Variants in PIP5K1B observed in about 807,000 individuals in gnomAD.
PIP5K1B encodes the protein phosphatidylinositol 4-phosphate 5-kinase type-1 beta.
In PIP5K1B, 42 loss-of-function variants were observed where a neutral mutation model predicts 67.0. That is an observed-to-expected ratio of 0.63 (90% CI 0.49 to 0.81). The LOEUF is 0.81. PIP5K1B is among the 30% of genes least tolerant of loss of function. The probability of loss-of-function intolerance (pLI) is 0.00; values close to 1 mark genes in which losing one functional copy is unlikely to be tolerated. For synonymous variants in PIP5K1B, 214 were observed against 231.4 expected, an observed-to-expected ratio of 0.92 and a Z score of 0.68; for missense variants, 459 against 646.3, an observed-to-expected ratio of 0.71 and a Z score of 3.14.
chr9:68,748,913 G>A (rs1252851843), intron 2 of PIP5K1B, among the ~76,000 whole-genome samples: 1 of 151,998 alleles, frequency 6.6e-6, no homozygotes, highest in African/African-American at 2.4e-5. Flanking sequence ...CACTCGGCCA[G>A]GTTTCAGATC....
At chr9:68,782,512 A>G (rs991256147) in intron 2 of PIP5K1B, 24 of 167,108 alleles carry the variant, frequency 1.4e-4, no homozygotes, top group African/African-American at 5.8e-4. Context: ...GGGAAAAATG[A>G]CTCAGAACAA....
intron 2 of PIP5K1B, among the ~76,000 whole-genome samples, chr9:68,760,150 C>T (rs1223638620): frequency 1.3e-5 from 2 of 152,072 alleles, no homozygotes; most frequent in Non-Finnish European, 2.9e-5. Flanking sequence ...GCTACAAGCT[C>T]AGCTCTGTGG....
At chr9:68,896,291 C>T (rs1554731026) in intron 8 of PIP5K1B, among the ~76,000 whole-genome samples, 2 of 151,424 alleles carry the variant, frequency 1.3e-5, no homozygotes, top group Non-Finnish European at 2.9e-5. Flanking sequence ...TGCTTCTTGC[C>T]TCTTTAGTAT....
chr9:68,767,036 A>G (rs1234134082), intron 2 of PIP5K1B, among the ~76,000 whole-genome samples: 1 of 152,224 alleles, frequency 6.6e-6, no homozygotes, highest in Non-Finnish European at 1.5e-5. Flanking sequence ...TAGGGTAACT[A>G]TATAGTTTAT....
In PIP5K1B at chr9:68,940,779, C is replaced by G. The variant is rs756876508; in HGVS notation, c.1491C>G (p.Leu497=). 8.7e-6 allele frequency: 14 copies of G among 1,613,682 alleles called. No homozygotes were observed. In the South Asian group the frequency reaches 1.5e-4, roughly 18 times the overall value. ...NEHYPHDRPT[L]YSNSKGLPSS... is the part of the protein sequence containing the mutation. The stretch of plus-strand genomic sequence containing the variant: ...ACTATCCACACGACAGGCCTACACT[C>G]TATTCAAACAGGTAATACTTAGTGC... The change falls in exon 14 of 16, where the codon CTC becomes CTG. Residue 497 remains leucine, a synonymous_variant. Transcript: ENST00000265382.
intron 14 of PIP5K1B, chr9:68,964,237 C>T (rs933424988): frequency 6.6e-6 from 1 of 152,118 alleles, no homozygotes; most frequent in Admixed American, 6.5e-5. Context: ...CACGTGGTTC[C>T]ACCCTCACCC....
chr9:68,820,461 T>G (rs1833682531), intron 3 of PIP5K1B, among the ~76,000 whole-genome samples: 1 of 152,208 alleles, frequency 6.6e-6, no homozygotes. Context: ...TGGGCAGTAC[T>G]AGATCTAGTG....
intron 2 of PIP5K1B, among the ~76,000 whole-genome samples, chr9:68,777,661 A>G (rs536272073): frequency 1.3e-5 from 2 of 152,274 alleles, no homozygotes; most frequent in Admixed American, 1.3e-4. Context: ...CAAATAGCAT[A>G]TATGTTTTAT....
At position 68,789,348 on chromosome 9, in the gene PIP5K1B, C is replaced by T. The variant is rs188967974; in HGVS notation, c.-85-29113C>T. On this transcript the variant is annotated intron_variant, in intron 2 of 15. Coordinates refer to ENST00000265382, the MANE Select transcript of PIP5K1B (RefSeq NM_003558.4). ...GCGTCTCTTCTGATGCCGCATAAAT[C>T]ACAATCACATTGTCCTTCATCACTA... 5.1e-3 allele frequency: 1,887 copies of T among 372,992 alleles called. 32 individuals are homozygous for T. The highest frequency in any genetic ancestry group is 0.038 in the African/African-American group (1,748 of 46,500). 23.1% of individuals were successfully genotyped at this position (372,992 alleles called of 1,614,324 possible).
At chr9:68,706,171 G>C (rs1245648482) in intron 1 of PIP5K1B, 1 of 152,410 alleles carries the variant, frequency 6.6e-6, no homozygotes, top group African/African-American at 2.4e-5. Flanking sequence ...CTCAAGAGGG[G>C]CTTGCGAGTT....
intron 14 of PIP5K1B, among the ~76,000 whole-genome samples, chr9:68,988,566 C>T (rs1430543516): frequency 6.7e-6 from 1 of 150,236 alleles, no homozygotes; most frequent in Non-Finnish European, 1.5e-5. Flanking sequence ...TCTCCTGCCT[C>T]AGCCTCCTGA....
At chr9:68,852,120 T>C (rs1464082896) in intron 4 of PIP5K1B, among the ~76,000 whole-genome samples, 1 of 152,132 alleles carries the variant, frequency 6.6e-6, no homozygotes, top group African/African-American at 2.4e-5. Context: ...CATGCAGGGC[T>C]TAAAACCTAG....
At chr9:68,768,168 T>C (rs532460405) in intron 2 of PIP5K1B, among the ~76,000 whole-genome samples, 52 of 152,268 alleles carry the variant, frequency 3.4e-4, no homozygotes, top group Non-Finnish European at 6.8e-4. Context: ...ATTGCACAGC[T>C]AGAAAGAATC....
At chr9:68,997,041 A>C (rs1293384794) in intron 15 of PIP5K1B, among the ~76,000 whole-genome samples, 1 of 152,234 alleles carries the variant, frequency 6.6e-6, no homozygotes, top group Non-Finnish European at 1.5e-5. Flanking sequence ...TAGCCACGCC[A>C]GTATTGGAGA....
intron 12 of PIP5K1B, among the ~76,000 whole-genome samples, chr9:68,924,401 C>CGAAAAAAAAAAAAAAAA (rs1341716504): frequency 1.2e-5 from 1 of 86,768 alleles, no homozygotes; most frequent in Non-Finnish European, 2.2e-5. Flanking sequence ...CACTGCGCCT[C>CGAAAAAAAAAAAAAAAA]AAAAAAAAAA....
intron 2 of PIP5K1B, among the ~76,000 whole-genome samples, chr9:68,747,809 C>T (rs1448667194): frequency 3.3e-5 from 5 of 152,256 alleles, no homozygotes; most frequent in Non-Finnish European, 5.9e-5. Flanking sequence ...AGCCACTCCT[C>T]TAGAATTTGA....
At chr9:68,802,201 A>G (rs1453080733) in intron 2 of PIP5K1B, among the ~76,000 whole-genome samples, 3 of 152,368 alleles carry the variant, frequency 2.0e-5, no homozygotes, top group Non-Finnish European at 4.4e-5. Context: ...ATTGATAGCC[A>G]TCCTTAGTTT....
chr9:68,814,077 T>C (rs1039101983), intron 2 of PIP5K1B, among the ~76,000 whole-genome samples: 5 of 151,530 alleles, frequency 3.3e-5, no homozygotes, highest in Admixed American at 3.3e-4. Context: ...GGAGGAAGAG[T>C]GCCACCGTGC....
chr9:68,769,821 CCT>C (rs1193889302), intron 2 of PIP5K1B, among the ~76,000 whole-genome samples: 2 of 152,134 alleles, frequency 1.3e-5, no homozygotes, highest in Non-Finnish European at 2.9e-5. Flanking sequence ...TGCTTGCTTT[CCT>C]CTCGTTCTTC....
Sources: gnomAD v4.1 joint callset for allele counts (sites outside exome capture counted in the v4.1 genomes callset) on GRCh38, gnomAD v4.1.1 for gene constraint, MANE v1.5 for transcripts, NCBI Gene and HGNC (gene_info 2026-07-23, HGNC 2026-07-21) for gene names.